The following IQCH variants were observed in gnomAD, a reference collection of about 807,000 sequenced individuals.
IQCH encodes the protein IQ motif containing H, also known as IQ domain-containing protein H.
IQCH carries 98 observed loss-of-function variants against 117.0 expected under a neutral mutation model. The observed-to-expected ratio is 0.84, with a 90% CI of 0.71 to 0.99. IQCH has a LOEUF of 0.99. Ranked by LOEUF, IQCH falls within the 50% of genes least tolerant of loss-of-function variation. The probability of loss-of-function intolerance (pLI) is 0.00; values close to 1 mark genes in which losing one functional copy is unlikely to be tolerated. For synonymous variants in IQCH, 412 were observed against 448.2 expected, an observed-to-expected ratio of 0.92 and a Z score of 1.02; for missense variants, 1,102 against 1,243.8, an observed-to-expected ratio of 0.89 and a Z score of 1.72.
At position 67,427,240 on chromosome 15, in the gene IQCH, C is replaced by T. The variant is rs947509166; in HGVS notation, c.2505+5663C>T. On this transcript the variant is annotated intron_variant, in intron 16 of 20. Coordinates refer to ENST00000335894, the MANE Select transcript of IQCH (RefSeq NM_001031715.3). The surrounding 1 kb of genome is among the most constrained non-coding windows in gnomAD (Gnocchi z 4.7). ...TAACTAATCTCCCAACCACTCCTGC[C>T]ATCTTCTTTGCCTACTCTATCTGTG... 6.6e-6 allele frequency among the ~76,000 whole-genome samples: 1 copy of T among 152,156 alleles called. No homozygotes were observed. The highest frequency in any genetic ancestry group is 2.4e-5 in the African/African-American group (1 of 41,432).
At chr15:67,317,818 G>A (rs1967921210) in intron 4 of IQCH, among the ~76,000 whole-genome samples, 1 of 151,992 alleles carries the variant, frequency 6.6e-6, no homozygotes, top group Non-Finnish European at 1.5e-5. Flanking sequence ...GGGCAGGGAG[G>A]GTCTGTCTAG....
chr15:67,451,811 G>GT (rs1174491756), intron 16 of IQCH, among the ~76,000 whole-genome samples: 1 of 152,176 alleles, frequency 6.6e-6, no homozygotes, highest in Admixed American at 6.5e-5. Flanking sequence ...TCTGTCTAAT[G>GT]TTGACAGTGG....
chr15:67,322,455 G>GA (rs1386463857), intron 4 of IQCH, among the ~76,000 whole-genome samples: 35 of 152,136 alleles, frequency 2.3e-4, no homozygotes, highest in African/African-American at 8.2e-4. Context: ...CGCTTTTTGA[G>GA]TGTTTAGTTC....
rs979488862 is a variant in IQCH at position 67,474,908 on chromosome 15, C to T, written c.2677-788C>T. ...GAAAATGGCAGTTTGCCCACGTGGT[C>T]TTCCTCTCAAAAACACATTACTACA... On this transcript the variant is annotated intron_variant, in intron 17 of 20. Coordinates refer to ENST00000335894, the MANE Select transcript of IQCH (RefSeq NM_001031715.3). The surrounding 1 kb of genome is among the most constrained non-coding windows in gnomAD (Gnocchi z 4.1). 6.6e-6 allele frequency among the ~76,000 whole-genome samples: 1 copy of T among 152,204 alleles called. No homozygotes were observed. Among genetic ancestry groups the T allele is most frequent in the Admixed American group, 6.5e-5 (1 of 15,284 alleles).
chr15:67,312,698 G>A (rs1967657768), intron 4 of IQCH, among the ~76,000 whole-genome samples: 1 of 152,082 alleles, frequency 6.6e-6, no homozygotes, highest in Admixed American at 6.6e-5. Context: ...GGTAATGCTT[G>A]CAATAATATA....
Position 67,400,298 on chromosome 15 carries a change from G to A in IQCH, c.2090G>A (p.Trp697Ter). 1 of 1,611,662 alleles carries A rather than the reference G, an allele frequency of 6.2e-7. No homozygotes were observed. The highest frequency in any genetic ancestry group is 8.5e-7 in the Non-Finnish European group (1 of 1,177,976). Residue 697 changes from tryptophan to a stop codon, truncating the protein, a stop_gained, in exon 14 of 21, where the codon TGG (tryptophan) becomes TAG (stop). Transcript: ENST00000335894. LOFTEE classifies it high-confidence loss of function. ...GGCCTTGAAGACTGGAGAAAGAAAT[G>A]GGCACAAGTGAGTATTCAATGGTGA... ...RYGLEDWRKK[W>*]AQEPALVKIS...
At chr15:67,322,038 ATTACTGAG>A (rs1968160568) in intron 4 of IQCH, among the ~76,000 whole-genome samples, 1 of 152,214 alleles carries the variant, frequency 6.6e-6, no homozygotes. Context: ...TGTTCTACCA[ATTACTGAG>A]AAGAGGCTTT....
intron 1 of IQCH, among the ~76,000 whole-genome samples, chr15:67,260,773 A>G (rs1005031839): frequency 1.3e-5 from 2 of 152,162 alleles, no homozygotes; most frequent in Non-Finnish European, 2.9e-5. Flanking sequence ...ACAATCTGAG[A>G]GACAATAATA....
At position 67,496,829 on chromosome 15, in the gene IQCH, T is replaced by C. The variant is rs2141109583; in HGVS notation, c.2970+2463T>C. Among the ~76,000 whole-genome samples the C allele has an allele frequency of 6.6e-6, 1 of 150,772 alleles. No individual in the cohort carries two copies. The highest frequency in any genetic ancestry group is 6.6e-5 in the Admixed American group (1 of 15,146). On this transcript the variant is annotated intron_variant, in intron 20 of 20. Coordinates refer to ENST00000335894, the MANE Select transcript of IQCH (RefSeq NM_001031715.3). This position sits in a 1 kb window ranked among gnomAD's most constrained non-coding sequence, Gnocchi z 4.4. ...GTCAGGAGATCGAGACCATCCTGGC[T>C]AACAAGGTGAAACCCCGTCTCTACT...
rs1039825916 is a variant in IQCH at position 67,443,289 on chromosome 15, G to C, written c.2505+21712G>C. Among the ~76,000 whole-genome samples, 1 of 152,228 alleles carries C rather than the reference G, an allele frequency of 6.6e-6. No homozygotes were observed. Among genetic ancestry groups the C allele is most frequent in the South Asian group, 2.1e-4 (1 of 4,832 alleles). Reference sequence around the variant, plus strand: ...TTACAGGCGTGAGCCACTGCGCCCAGCCTGGAGACTGTTATTCTAAGTGAA... The same window carrying C: ...TTACAGGCGTGAGCCACTGCGCCCACCCTGGAGACTGTTATTCTAAGTGAA... On this transcript the variant is annotated intron_variant, in intron 16 of 20. Transcript: ENST00000335894. The surrounding 1 kb of genome is among the most constrained non-coding windows in gnomAD (Gnocchi z 5.0).
intron 1 of IQCH, among the ~76,000 whole-genome samples, chr15:67,259,786 C>A (rs1259195967): frequency 1.3e-5 from 2 of 152,216 alleles, no homozygotes; most frequent in Admixed American, 6.5e-5. Context: ...CAATAGATGG[C>A]AAATCAGCTT....
intron 10 of IQCH, chr15:67,373,867 C>T (rs1226744358): frequency 2.3e-5 from 5 of 215,258 alleles, no homozygotes; most frequent in Non-Finnish European, 4.5e-5. Flanking sequence ...GCTACATTCT[C>T]TGAAATTATT....
intron 4 of IQCH, among the ~76,000 whole-genome samples, chr15:67,283,019 A>G (rs1031447549): frequency 2.3e-4 from 35 of 152,308 alleles, no homozygotes; most frequent in African/African-American, 8.4e-4. Context: ...GTGATGAAAT[A>G]TCAGTAAGTA....
At chr15:67,389,765 C>T (rs1194753440) in intron 12 of IQCH, among the ~76,000 whole-genome samples, 2 of 151,688 alleles carry the variant, frequency 1.3e-5, no homozygotes, top group East Asian at 3.9e-4. Flanking sequence ...TTGAAATGCA[C>T]CAAAGTCAAC....
intron 6 of IQCH, among the ~76,000 whole-genome samples, chr15:67,347,344 C>T (rs1445847691): frequency 6.6e-6 from 1 of 151,948 alleles, no homozygotes. Flanking sequence ...AAAGAAGAGA[C>T]ATCATTACAG....
intron 4 of IQCH, among the ~76,000 whole-genome samples, chr15:67,329,115 A>G (rs1251828598): frequency 6.6e-6 from 1 of 152,166 alleles, no homozygotes; most frequent in Non-Finnish European, 1.5e-5. Context: ...CCTGGACACC[A>G]TGGTGAAACC....
intron 6 of IQCH, among the ~76,000 whole-genome samples, chr15:67,347,164 T>A (rs1890338972): frequency 6.1e-5 from 7 of 113,822 alleles, no homozygotes; most frequent in African/African-American, 1.3e-4. Context: ...CAGATGGAAA[T>A]AATAGAGACA....
chr15:67,468,913 C>T (rs1271450702), intron 17 of IQCH, among the ~76,000 whole-genome samples: 1 of 152,178 alleles, frequency 6.6e-6, no homozygotes, highest in Admixed American at 6.5e-5. Flanking sequence ...GCATCACTGT[C>T]AAAACAAGTA....
Position 67,472,866 on chromosome 15 carries a change from A to G in IQCH, c.2677-2830A>G, listed in dbSNP as rs144245535. ...TCCTTCAGATTCTTTATGCATCACAAACCCCAGTCTGGGAGGAAGGGGAGT... is the reference window on the plus strand; with the variant it reads ...TCCTTCAGATTCTTTATGCATCACAGACCCCAGTCTGGGAGGAAGGGGAGT... On this transcript the variant is annotated intron_variant, in intron 17 of 20. Coordinates refer to ENST00000335894, the MANE Select transcript of IQCH (RefSeq NM_001031715.3). This position sits in a 1 kb window ranked among gnomAD's most constrained non-coding sequence, Gnocchi z 4.3. 3.9e-5 allele frequency among the ~76,000 whole-genome samples: 6 copies of G among 152,338 alleles called. No individual in the cohort carries two copies. In the East Asian group the frequency reaches 9.6e-4, roughly 24 times the overall value.
Sources: gnomAD v4.1 joint callset for allele counts (sites outside exome capture counted in the v4.1 genomes callset) on GRCh38, gnomAD v4.1.1 for gene constraint, Gnocchi (gnomAD v3.1) non-coding constraint, MANE v1.5 for transcripts, NCBI Gene and HGNC (gene_info 2026-07-23, HGNC 2026-07-21) for gene names.